Variants in DPH2 observed in about 807,000 individuals in gnomAD.
The protein encoded by DPH2 is 2-(3-amino-3-carboxypropyl)histidine synthase subunit 2.
DPH2 carries 28 observed loss-of-function variants against 42.5 expected under a neutral mutation model. The observed-to-expected ratio is 0.66, with a 90% CI of 0.49 to 0.90. The LOEUF is 0.90. Among genes scored for constraint, DPH2 ranks in the 40% least tolerant of loss-of-function variants. The probability of loss-of-function intolerance (pLI) is 0.00; values close to 1 mark genes in which losing one functional copy is unlikely to be tolerated. For synonymous variants in DPH2, 279 were observed against 264.4 expected (o/e 1.06, Z -0.53); for missense variants, 576 against 636.0 (o/e 0.91, Z 1.01).
chr1:43,971,215 C>T lies in DPH2; in HGVS notation c.484+26C>T, dbSNP rs780686328. 32 of 1,544,266 alleles carry T rather than the reference C, an allele frequency of 2.1e-5. No homozygotes were observed. The Admixed American group carries it at 3.0e-4, about 14-fold the overall frequency. On this transcript the variant is annotated intron_variant, in intron 3 of 5. Transcript: ENST00000255108. ...GTAAGGGGTTTTGCCTGTGTATGCA[C>T]AAAGGGTGAGCCAACTGCTTTATGC...
rs1477260861 is a variant in DPH2 at position 43,972,339 on chromosome 1, A to G, written c.1345+5A>G. 6.2e-7 allele frequency: 1 copy of G among 1,613,768 alleles called. No homozygotes were observed. Among genetic ancestry groups the G allele is most frequent in the African/African-American group, 1.3e-5 (1 of 74,928 alleles). On this transcript the variant is annotated splice_donor_5th_base_variant and intron_variant, in intron 5 of 5. Transcript: ENST00000255108. ...TGGCTGAGAGCAGTCCTGCAGGTAA[A>G]TGTACAAGTCTCCACTCCCAGCTGA... is the stretch of plus-strand genomic sequence containing the variant.
rs780961038 is a variant in DPH2 at position 43,971,051 on chromosome 1, C to T, written c.346C>T (p.Arg116Cys). The change falls in exon 3 of 6, where the codon CGC becomes TGC. Residue 116 changes from arginine to cysteine, a missense_variant. By Grantham distance (180) the Arg-to-Cys change is radical. Coordinates refer to ENST00000255108, the MANE Select transcript of DPH2 (RefSeq NM_001384.5). ...CCCTGCCTGCTTAAGCCCTCCAGCC[C>T]GCCCACTGCCCGTTGCCTTCGTGCT... Reference protein sequence around the residue: ...FGPACLSPPARPLPVAFVLRQ... With the variant: ...FGPACLSPPACPLPVAFVLRQ... 3.4e-5 allele frequency: 53 copies of T among 1,576,296 alleles called. No homozygotes were observed. The Admixed American group carries it at 5.2e-4, about 15-fold the overall frequency.
Position 43,970,204 on chromosome 1 carries a change from A to G in DPH2, c.29A>G (p.Glu10Gly). 2 of 1,614,150 alleles carry G rather than the reference A, an allele frequency of 1.2e-6. No individual in the cohort carries two copies. Among genetic ancestry groups the G allele is most frequent in the Non-Finnish European group, 1.7e-6 (2 of 1,179,980 alleles). Reference sequence around the variant, plus strand: ...GAGTCGATGTTTAGCAGCCCTGCCGAGGCGGCGCTGCAGCGAGAGACCGGG... The same window carrying G: ...GAGTCGATGTTTAGCAGCCCTGCCGGGGCGGCGCTGCAGCGAGAGACCGGG... MESMFSSPA[E>G]AALQRETGVP... The change falls in exon 1 of 6, where the codon GAG (glutamate) becomes GGG (glycine). Residue 10 changes from glutamate to glycine, a missense_variant. By Grantham distance (98) the Glu-to-Gly change is moderately conservative. Transcript: ENST00000255108.
chr1:43,970,401 G>C (rs1557639758), intron 1 of DPH2, 79 bp downstream of exon 1: 1 of 1,574,052 alleles, frequency 6.4e-7, no homozygotes, highest in African/African-American at 1.3e-5. Flanking sequence ...GGGGGATTTT[G>C]TGAGGGCGAG....
At position 43,971,124 on chromosome 1, in the gene DPH2, C is replaced by G; in HGVS notation, c.419C>G (p.Ala140Gly). The G allele has an allele frequency of 1.3e-6, 2 of 1,558,062 alleles. No individual in the cohort carries two copies. The highest frequency in any genetic ancestry group is 2.7e-5 in the African/African-American group (2 of 73,644). ...ALELCVKAFE[A>G]QNPDPKAPVV... ...GAGCTCTGTGTCAAGGCCTTTGAGG[C>G]CCAGAACCCAGACCCCAAAGCGCCT... The change falls in exon 3 of 6, where the codon GCC becomes GGC. Residue 140 changes from alanine to glycine, a missense_variant. This residue lies in a region of DPH2 where 395 missense variants were observed against 435.2 expected (regional missense o/e 0.91). Transcript: ENST00000255108.
intron 1 of DPH2, 100 bp from the exon 2 acceptor site, chr1:43,970,496 C>A: frequency 6.6e-7 from 1 of 1,523,882 alleles, no homozygotes; most frequent in South Asian, 1.1e-5. Context: ...CCTCTGGGAC[C>A]AGGGGCTTTG....
Position 43,971,626 on chromosome 1 carries a change from G to C in DPH2, c.724G>C (p.Ala242Pro), listed in dbSNP as rs144632086. 1.9e-6 allele frequency: 3 copies of C among 1,614,112 alleles called. No individual in the cohort carries two copies. The highest frequency in any genetic ancestry group is 2.5e-6 in the Non-Finnish European group (3 of 1,179,950). ...PDLSRLLLGW[A>P]PGQPFSSCCP... ...CCTGAGTCGGCTGCTCTTGGGGTGG[G>C]CACCAGGTCAACCCTTCTCCTCCTG... Residue 242 changes from alanine (A) to proline (P), a missense_variant, in exon 4 of 6, where the codon GCA (alanine) becomes CCA (proline). By Grantham distance (27) the Ala-to-Pro change is conservative (BLOSUM62 -1). Around this residue, in one of 3 missense-constraint regions of DPH2, gnomAD observed 395 missense variants for 435.2 expected, o/e 0.91. Transcript: ENST00000255108.
At position 43,970,296 on chromosome 1, in the gene DPH2, T is replaced by A. The variant is rs1309043700; in HGVS notation, c.121T>A (p.Phe41Ile). The A allele has an allele frequency of 3.7e-6, 6 of 1,614,178 alleles. No homozygotes were observed. The Admixed American group carries it at 1.0e-4, about 27-fold the overall frequency. Residue 41 changes from phenylalanine to isoleucine, a missense_variant, in exon 1 of 6, where the codon TTT becomes ATT. Transcript: ENST00000255108. Reference protein sequence around the residue: ...GVYELERVAGFVRDLGCERVA... With the variant: ...GVYELERVAGIVRDLGCERVA... ...GTACGAGCTGGAGCGAGTCGCTGGA[T>A]TTGTCCGCGACCTGGGGTGTGAACG...
At chr1:43,970,446 A>T in intron 1 of DPH2, 124 bp downstream of exon 1, 2 of 1,533,154 alleles carry the variant, frequency 1.3e-6, no homozygotes, top group African/African-American at 1.4e-5. Flanking sequence ...CAGCGCGTTG[A>T]CCATCCCTCC....
At position 43,971,509 on chromosome 1, in the gene DPH2, T is replaced by A. The variant is rs771268628; in HGVS notation, c.607T>A (p.Phe203Ile). 6 of 1,614,218 alleles carry A rather than the reference T, an allele frequency of 3.7e-6. No homozygotes were observed. The change falls in exon 4 of 6, where the codon TTC becomes ATC. Residue 203 changes from phenylalanine (F) to isoleucine (I), a missense_variant. Coordinates refer to ENST00000255108, the MANE Select transcript of DPH2 (RefSeq NM_001384.5). ...GCCCCTAGAGCGTTTTGGGCGCCGCTTCCCCCTTGCCCCAGGGAGGCGTCT... is the reference window on the plus strand; with the variant it reads ...GCCCCTAGAGCGTTTTGGGCGCCGCATCCCCCTTGCCCCAGGGAGGCGTCT... ...PMPLERFGRR[F>I]PLAPGRRLEE...
At position 43,970,093 on chromosome 1, in the gene DPH2, C is replaced by T; in HGVS notation, c.-83C>T. ...TACCCCCACAAGGCGATTTTGACCC[C>T]CTGAGGGCTGCTCTAGAGGACTCAG... On this transcript the variant is annotated 5_prime_UTR_variant, in exon 1 of 6. Coordinates refer to ENST00000255108, the MANE Select transcript of DPH2 (RefSeq NM_001384.5). The T allele has an allele frequency of 6.5e-7, 1 of 1,539,184 alleles. No individual in the cohort carries two copies. Among genetic ancestry groups the T allele is most frequent in the Non-Finnish European group, 8.8e-7 (1 of 1,140,286 alleles).
rs147538795 is a variant in DPH2 at position 43,971,725 on chromosome 1, G to T, written c.823G>T (p.Val275Leu). Reference sequence around the variant, plus strand: ...GCTAAGGGCACGAAGACGATATCTGGTAGAGAGGGCCAGAGATGCCCGCGT... The same window carrying T: ...GCTAAGGGCACGAAGACGATATCTGTTAGAGAGGGCCAGAGATGCCCGCGT... The part of the protein sequence containing the change: ...GRLRARRRYL[V>L]ERARDARVVG... Residue 275 changes from valine to leucine, a missense_variant, in exon 4 of 6, where the codon GTA becomes TTA. Val to Leu is a conservative substitution (Grantham distance 32). Transcript: ENST00000255108. 3.1e-6 allele frequency: 5 copies of T among 1,611,858 alleles called. No homozygotes were observed. In the African/African-American group the frequency reaches 5.3e-5, roughly 17 times the overall value.
At chr1:43,972,360 G>C in intron 5 of DPH2, 26 bp downstream of exon 5, 1 of 1,613,466 alleles carries the variant, frequency 6.2e-7, no homozygotes, top group Non-Finnish European at 8.5e-7. Context: ...TCCACTCCCA[G>C]CTGAGCTTTT....
chr1:43,970,931 G>A (rs374261150), intron 2 of DPH2, 35 bp from the exon 3 acceptor site: 5 of 1,557,024 alleles, frequency 3.2e-6, no homozygotes, highest in African/African-American at 2.7e-5. Context: ...GCCTCCAGAA[G>A]AGAACCCATT....
chr1:43,970,010 A>G lies in DPH2; in HGVS notation c.-166A>G. 2 of 750,966 alleles carry G rather than the reference A, an allele frequency of 2.7e-6. No individual in the cohort carries two copies. Among genetic ancestry groups the G allele is most frequent in the East Asian group, 2.9e-5 (1 of 34,924 alleles). 46.5% of individuals were successfully genotyped at this position (750,966 alleles called of 1,614,324 possible). ...GTAGTCCCACGTGTAGCGGAGAAAC[A>G]GTAGTTAGGATGGCTGAAGGGGATA... On this transcript the variant is annotated 5_prime_UTR_variant, in exon 1 of 6. Transcript: ENST00000255108.
rs775465613 is a variant in DPH2 at position 43,971,567 on chromosome 1, C to G, written c.665C>G (p.Ser222Cys). The G allele has an allele frequency of 1.9e-6, 3 of 1,614,042 alleles. No individual in the cohort carries two copies. Among genetic ancestry groups the G allele is most frequent in the Admixed American group, 1.7e-5 (1 of 60,004 alleles). ...TATGGTGCCTTCTATGTAGGGGGCT[C>G]TAAGGCCAGCCCTGACCCAGACCTT... ...EEYGAFYVGG[S>C]KASPDPDLDP... The change falls in exon 4 of 6, where the codon TCT becomes TGT. Residue 222 changes from serine (S) to cysteine (C), a missense_variant. By Grantham distance (112) the Ser-to-Cys change is moderately radical (BLOSUM62 -1). Coordinates refer to ENST00000255108, the MANE Select transcript of DPH2 (RefSeq NM_001384.5).
Position 43,970,248 on chromosome 1 carries a change from C to A in DPH2, c.73C>A (p.Pro25Thr), listed in dbSNP as rs982546363. Residue 25 changes from proline to threonine, a missense_variant, in exon 1 of 6, where the codon CCT becomes ACT. Physicochemically the swap from Pro to Thr is conservative, Grantham distance 38. Coordinates refer to ENST00000255108, the MANE Select transcript of DPH2 (RefSeq NM_001384.5). Reference protein sequence around the residue: ...RETGVPGLLTPLPDLDGVYEL... With the variant: ...RETGVPGLLTTLPDLDGVYEL... ...GACCGGGGTGCCAGGACTGCTTACT[C>A]CTCTTCCGGACCTGGACGGAGTGTA... The A allele has an allele frequency of 6.2e-7, 1 of 1,614,098 alleles. No individual in the cohort carries two copies. Among genetic ancestry groups the A allele is most frequent in the Non-Finnish European group, 8.5e-7 (1 of 1,180,036 alleles).
chr1:43,972,393 A>T (rs368226729), intron 5 of DPH2, 22 bp from the exon 6 acceptor site: 1,342 of 1,613,924 alleles, frequency 8.3e-4, no homozygotes, highest in Non-Finnish European at 1.1e-3. Context: ...GCGCACTCAG[A>T]CTGAGCCCCC....
rs1168988240 is a variant in DPH2 at position 43,972,040 on chromosome 1, C to T, written c.1138C>T (p.His380Tyr). The T allele has an allele frequency of 1.2e-6, 2 of 1,613,898 alleles. No homozygotes were observed. The highest frequency in any genetic ancestry group is 2.7e-5 in the African/African-American group (2 of 74,938). The change falls in exon 4 of 6, where the codon CAC (histidine) becomes TAC (tyrosine). Residue 380 changes from histidine (H) to tyrosine (Y), a missense_variant. By Grantham distance (83) the His-to-Tyr change is moderately conservative. Coordinates refer to ENST00000255108, the MANE Select transcript of DPH2 (RefSeq NM_001384.5). ...CTGGCCACCTCCAGGCCTGGCTCCC[C>T]ACCTCACACATTATGCGGACTTATT... Reference protein sequence around the residue: ...PAWPPPGLAPHLTHYADLLPG... With the variant: ...PAWPPPGLAPYLTHYADLLPG...
Sources: gnomAD v4.1 joint callset for allele counts on GRCh38, gnomAD v4.1.1 for gene constraint, gnomAD v4.1.1 regional missense constraint, MANE v1.5 for transcripts, NCBI Gene and HGNC (gene_info 2026-07-23, HGNC 2026-07-21) for gene names.